Variants in LRP5 observed in about 807,000 individuals in gnomAD.
The protein encoded by LRP5 is low-density lipoprotein receptor-related protein 5.
LRP5 carries 62 observed loss-of-function variants against 154.1 expected under a neutral mutation model. The ratio of observed to expected loss-of-function variants is 0.40; its 90% confidence interval spans 0.33 to 0.50. The LOEUF (loss-of-function observed/expected upper bound fraction) is 0.50. Ranked by LOEUF, LRP5 falls within the 20% of genes least tolerant of loss-of-function variation. The pLI is 0.55. For synonymous variants in LRP5, 966 were observed against 1,011.5 expected (o/e 0.96, Z 0.85); for missense variants, 1,915 against 2,336.7 (o/e 0.82, Z 3.72).
Position 68,348,252 on chromosome 11 carries a change from T to G in LRP5, c.488+9T>G, listed in dbSNP as rs1324715700. 1 of 1,603,106 alleles carries G rather than the reference T, an allele frequency of 6.2e-7. No individual in the cohort carries two copies. Among genetic ancestry groups the G allele is most frequent in the Admixed American group, 1.7e-5 (1 of 60,022 alleles). On this transcript the variant is annotated intron_variant, in intron 2 of 22. Transcript: ENST00000294304. ...TTGGACCCCGCTCACGGGTAAACCCTGCTGCGACTCCACCTGGGTCCAGGG... is the reference window on the plus strand; with the variant it reads ...TTGGACCCCGCTCACGGGTAAACCCGGCTGCGACTCCACCTGGGTCCAGGG...
chr11:68,363,549 C>T (rs770355781), intron 3 of LRP5, among the ~76,000 whole-genome samples, 198 bp from the exon 4 acceptor site: 52 of 151,662 alleles, frequency 3.4e-4, no homozygotes, highest in Admixed American at 2.5e-3. Context: ...CCCAGCTACT[C>T]GGGAGGCTGA....
In LRP5 at chr11:68,386,318, G is replaced by A; in HGVS notation, c.1018G>A (p.Ala340Thr). The change falls in exon 6 of 23, where the codon GCC (alanine) becomes ACC (threonine). Residue 340 changes from alanine (A) to threonine (T), a missense_variant and splice_region_variant. Ala to Thr is a moderately conservative substitution (Grantham distance 58). Around this residue, in one of 3 missense-constraint regions of LRP5, gnomAD observed 773 missense variants for 1,100.9 expected, o/e 0.70. Transcript: ENST00000294304. This position sits in a 1 kb window ranked among gnomAD's most constrained non-coding sequence, Gnocchi z 7.9. ...CCCCATTGCACCTGTCTCCACAGGA[G>A]CCGAGGAGGTGCTGCTGCTGGCCCG... ...QDNGRTCKAG[A>T]EEVLLLARRT... 6.2e-7 allele frequency: 1 copy of A among 1,611,730 alleles called. No homozygotes were observed. The highest frequency in any genetic ancestry group is 8.5e-7 in the Non-Finnish European group (1 of 1,180,006).
intron 13 of LRP5, among the ~76,000 whole-genome samples, chr11:68,421,764 CA>C (rs2153172100): frequency 7.4e-6 from 1 of 134,398 alleles, no homozygotes; most frequent in African/African-American, 2.9e-5. Flanking sequence ...GGGAGGGAGG[CA>C]CCCTTTCCAT....
chr11:68,437,034 G>T, intron 19 of LRP5, 35 bp downstream of exon 19: 1 of 1,577,294 alleles, frequency 6.3e-7, no homozygotes, highest in Non-Finnish European at 8.7e-7. Flanking sequence ...AGGGGCGTCC[G>T]GGCTGGGTTC....
rs1239977235 is a variant in LRP5, at chr11:68,427,868, C to T, written c.3637+1681C>T. Among the ~76,000 whole-genome samples the T allele has an allele frequency of 5.3e-5, 8 of 152,156 alleles. No individual in the cohort carries two copies. The East Asian group carries it at 1.5e-3, about 29-fold the overall frequency. ...TCCCTCCAAGCTGCCTCCTCTTCTT[C>T]TCATTGTCCGGGTGTTGGACACATT... On this transcript the variant is annotated intron_variant, in intron 16 of 22. Transcript: ENST00000294304.
At chr11:68,420,337 T>G (rs2098664876) in intron 13 of LRP5, among the ~76,000 whole-genome samples, 1 of 152,232 alleles carries the variant, frequency 6.6e-6, no homozygotes, top group Non-Finnish European at 1.5e-5. Flanking sequence ...TTCTTTCATG[T>G]GACATGGTGT....
chr11:68,383,391 C>T (rs1202567110), intron 5 of LRP5, among the ~76,000 whole-genome samples: 8 of 152,198 alleles, frequency 5.3e-5, no homozygotes, highest in Non-Finnish European at 1.0e-4. Context: ...GGGCTCTTCC[C>T]GGCCAAGCCC....
intron 7 of LRP5, among the ~76,000 whole-genome samples, chr11:68,391,266 G>A (rs1055997883): frequency 1.3e-5 from 2 of 152,056 alleles, no homozygotes; most frequent in African/African-American, 4.8e-5. Flanking sequence ...ACCGCGCCCA[G>A]CCTCTGTTGA....
At chr11:68,356,143 C>CTTTT (rs35481601) in intron 2 of LRP5, among the ~76,000 whole-genome samples, 1 of 133,272 alleles carries the variant, frequency 7.5e-6, no homozygotes. Context: ...CGCACCCAGC[C>CTTTT]TTTTTTTTTT....
chr11:68,445,397 CTG>C (rs1050369927), intron 21 of LRP5, among the ~76,000 whole-genome samples: 3 of 152,180 alleles, frequency 2.0e-5, no homozygotes, highest in African/African-American at 7.2e-5. Context: ...GTTGAAGAAA[CTG>C]AGGCTGAGGT....
intron 12 of LRP5, among the ~76,000 whole-genome samples, chr11:68,414,478 G>A (rs1164617020): frequency 6.6e-6 from 1 of 152,196 alleles, no homozygotes; most frequent in Non-Finnish European, 1.5e-5. Flanking sequence ...GTGGCAGGCT[G>A]GCTCAAGAGT....
chr11:68,407,625 G>C (rs371289043), intron 9 of LRP5, among the ~76,000 whole-genome samples: 14 of 151,360 alleles, frequency 9.2e-5, no homozygotes, highest in Admixed American at 7.9e-4. Context: ...CAGATCACCT[G>C]AGGTCGGGAG....
intron 5 of LRP5, among the ~76,000 whole-genome samples, chr11:68,380,409 G>A (rs970482677): frequency 1.1e-4 from 16 of 152,230 alleles, no homozygotes; most frequent in African/African-American, 3.6e-4. Context: ...GCGGGAAGGA[G>A]ACCGTGCAGG....
Position 68,411,444 on chromosome 11 carries a change from A to C in LRP5, c.2327A>C (p.Tyr776Ser), listed in dbSNP as rs1482852595. 2 of 1,611,656 alleles carry C rather than the reference A, an allele frequency of 1.2e-6. No individual in the cohort carries two copies. The highest frequency in any genetic ancestry group is 3.3e-5 in the Admixed American group (2 of 60,010). ...LALDPTKGYI[Y>S]WTEWGGKPRI... ...TCCCTTGTGCCTTCCAGCTACATCTACTGGACCGAGTGGGGCGGCAAGCCG... is the reference window on the plus strand; with the variant it reads ...TCCCTTGTGCCTTCCAGCTACATCTCCTGGACCGAGTGGGGCGGCAAGCCG... The change falls in exon 11 of 23, where the codon TAC becomes TCC. Residue 776 changes from tyrosine to serine, a missense_variant. Tyr to Ser is a moderately radical substitution (Grantham distance 144, BLOSUM62 -2). Around this residue, in one of 3 missense-constraint regions of LRP5, gnomAD observed 773 missense variants for 1,100.9 expected, o/e 0.70. Transcript: ENST00000294304.
At position 68,314,620 on chromosome 11, in the gene LRP5, C is replaced by T. The variant is rs560754125; in HGVS notation, c.91+1815C>T. On this transcript the variant is annotated intron_variant, in intron 1 of 22. Coordinates refer to ENST00000294304, the MANE Select transcript of LRP5 (RefSeq NM_002335.4). Reference sequence around the variant, plus strand: ...CGGAAATGGCTTTGTTCTAGTGGTCCCAGTGCTGAGAACTTCCCCAGCTCC... The same window carrying T: ...CGGAAATGGCTTTGTTCTAGTGGTCTCAGTGCTGAGAACTTCCCCAGCTCC... Among the ~76,000 whole-genome samples, 360 of 152,316 alleles carry T rather than the reference C, an allele frequency of 2.4e-3. 3 individuals are homozygous for T. The highest frequency in any genetic ancestry group is 7.7e-3 in the African/African-American group (320 of 41,566).
intron 1 of LRP5, among the ~76,000 whole-genome samples, chr11:68,347,634 G>C (rs567598224): frequency 1.1e-4 from 16 of 152,352 alleles, no homozygotes; most frequent in Admixed American, 3.3e-4. Flanking sequence ...TGGGAAGAAG[G>C]CTGTTTGCTG....
chr11:68,335,797 C>T lies in LRP5; in HGVS notation c.92-12050C>T, dbSNP rs375118454. Among the ~76,000 whole-genome samples, 85 of 152,174 alleles carry T rather than the reference C, an allele frequency of 5.6e-4. No homozygotes were observed. In the South Asian group the frequency reaches 7.2e-3, roughly 13 times the overall value. On this transcript the variant is annotated intron_variant, in intron 1 of 22. Coordinates refer to ENST00000294304, the MANE Select transcript of LRP5 (RefSeq NM_002335.4). Reference sequence around the variant, plus strand: ...GTGGAAAGCATGGCACTAGCTAGACCGAGAGAAGGACACTTGCTTACATCT... The same window carrying T: ...GTGGAAAGCATGGCACTAGCTAGACTGAGAGAAGGACACTTGCTTACATCT...
chr11:68,328,458 C>T (rs1484885523), intron 1 of LRP5, among the ~76,000 whole-genome samples: 2 of 152,360 alleles, frequency 1.3e-5, no homozygotes, highest in East Asian at 1.9e-4. Flanking sequence ...CCTCCAGTTT[C>T]CTCCCTGTGA....
chr11:68,342,942 C>T (rs1052586633), intron 1 of LRP5, among the ~76,000 whole-genome samples: 1 of 152,314 alleles, frequency 6.6e-6, no homozygotes, highest in South Asian at 2.1e-4. Flanking sequence ...CTGGCCAGGG[C>T]CCCCCGCTGG....
Sources: gnomAD v4.1 joint callset for allele counts (sites outside exome capture counted in the v4.1 genomes callset) on GRCh38, gnomAD v4.1.1 for gene constraint, gnomAD v4.1.1 regional missense constraint, Gnocchi (gnomAD v3.1) non-coding constraint, MANE v1.5 for transcripts, NCBI Gene and HGNC (gene_info 2026-07-23, HGNC 2026-07-21) for gene names.